The following RADIL variants were observed in gnomAD, a reference collection of about 807,000 sequenced individuals.
RADIL encodes ras-associating and dilute domain-containing protein.
Under a neutral mutation model 97.6 loss-of-function variants are expected in RADIL, and 99 were observed. That is an observed-to-expected ratio of 1.01 (90% CI 0.86 to 1.20). The LOEUF (loss-of-function observed/expected upper bound fraction) is 1.20, where lower values mean the gene tolerates loss of function less well. Ranked by LOEUF, RADIL falls within the 50% of genes most tolerant of loss-of-function variation. RADIL has a pLI of 0.00. For synonymous variants in RADIL, 803 were observed against 691.8 expected (o/e 1.16, Z -2.52); for missense variants, 1,765 against 1,498.9 (o/e 1.18, Z -2.93).
chr7:4,810,805 C>G (rs1782522492), intron 9 of RADIL, among the ~76,000 whole-genome samples: 1 of 152,210 alleles, frequency 6.6e-6, no homozygotes, highest in African/African-American at 2.4e-5. Context: ...GCCTGGCTTT[C>G]TTCCTTTCAA....
At chr7:4,832,047 G>T in intron 5 of RADIL, 94 bp downstream of exon 5, 2 of 1,365,350 alleles carry the variant, frequency 1.5e-6, no homozygotes, top group East Asian at 2.4e-5. Flanking sequence ...ACCCCAAGGC[G>T]TGGGGAGACC....
intron 11 of RADIL, among the ~76,000 whole-genome samples, chr7:4,802,837 G>A (rs1467255293): frequency 2.4e-5 from 3 of 123,934 alleles, no homozygotes; most frequent in African/African-American, 1.0e-4. Context: ...GGCACCTCGG[G>A]GAATGCTGGC....
At position 4,821,760 on chromosome 7, in the gene RADIL, G is replaced by A. The variant is rs896122958; in HGVS notation, c.1615+634C>T. 4.6e-5 allele frequency among the ~76,000 whole-genome samples: 7 copies of A among 152,118 alleles called. No individual in the cohort carries two copies. The highest frequency in any genetic ancestry group is 1.3e-4 in the Admixed American group (2 of 15,284). On this transcript the variant is annotated intron_variant, in intron 6 of 14. Coordinates refer to ENST00000399583, the MANE Select transcript of RADIL (RefSeq NM_018059.5). This position sits in a 1 kb window ranked among gnomAD's most constrained non-coding sequence, Gnocchi z 5.2. ...AATCCCAGGTACTCGGGAGGCTGAG[G>A]CACGAGAATCGCTTGAACCTGGGAG...
intron 12 of RADIL, among the ~76,000 whole-genome samples, 189 bp from the exon 13 acceptor site, chr7:4,800,499 C>T (rs1404593029): frequency 1.3e-5 from 2 of 152,070 alleles, no homozygotes; most frequent in Admixed American, 6.5e-5. Flanking sequence ...CGCCCATGGG[C>T]GACACCCCCA....
At chr7:4,858,966 GA>G (rs1783904389) in intron 2 of RADIL, 1 of 152,156 alleles carries the variant, frequency 6.6e-6, no homozygotes, top group Non-Finnish European at 1.5e-5. Context: ...ATAGCTCAAA[GA>G]AAATGTTTGA....
chr7:4,843,254 C>A (rs1411041531), intron 2 of RADIL, among the ~76,000 whole-genome samples: 2 of 151,298 alleles, frequency 1.3e-5, no homozygotes, highest in East Asian at 3.9e-4. Flanking sequence ...ACCTCGTGAT[C>A]CGCCTGCCTC....
Position 4,837,052 on chromosome 7 carries a change from G to A in RADIL, c.536-447C>T, listed in dbSNP as rs1006564392. 1.3e-5 allele frequency among the ~76,000 whole-genome samples: 2 copies of A among 152,196 alleles called. No individual in the cohort carries two copies. Among genetic ancestry groups the A allele is most frequent in the Admixed American group, 1.3e-4 (2 of 15,276 alleles). ...TTACTGTTCTGTCAAAACAGGTCTG[G>A]TGGAGACTCAAGGACTCTGCCCTCT... On this transcript the variant is annotated intron_variant, in intron 2 of 14. Transcript: ENST00000399583. This position sits in a 1 kb window ranked among gnomAD's most constrained non-coding sequence, Gnocchi z 5.6.
chr7:4,812,218 T>C (rs991690081), intron 9 of RADIL, among the ~76,000 whole-genome samples: 6 of 152,152 alleles, frequency 3.9e-5, no homozygotes, highest in African/African-American at 1.2e-4. Context: ...CATTCAGATT[T>C]TTAACTTCCT....
intron 2 of RADIL, chr7:4,860,974 TTCTGAAAA>T: frequency 6.2e-7 from 1 of 1,614,228 alleles, no homozygotes. Context: ...GCCATTCCCA[TTCTGAAAA>T]TACCAAGAAG....
intron 2 of RADIL, chr7:4,865,920 A>G: frequency 1.6e-6 from 1 of 609,346 alleles, no homozygotes; most frequent in South Asian, 1.9e-5. Flanking sequence ...GTATACAGAA[A>G]TATACTGTAG....
In RADIL at chr7:4,877,685, CCT is replaced by C. The variant is rs752360441; in HGVS notation, c.453_454del (p.Gly152PhefsTer6). The stretch of plus-strand genomic sequence containing the variant: ...CCTCAGCTCAAACCTCCGGGATAAA[CCT>C]TCTCGGGGTTTCCATAATTCCTGGA... On this transcript the variant is annotated frameshift_variant, in exon 2 of 15. Coordinates refer to ENST00000399583, the MANE Select transcript of RADIL (RefSeq NM_018059.5). LOFTEE classifies it high-confidence loss of function. 24 of 1,614,184 alleles carry C rather than the reference CCT, an allele frequency of 1.5e-5. No homozygotes were observed. The highest frequency in any genetic ancestry group is 1.9e-5 in the Non-Finnish European group (23 of 1,180,018).
In RADIL at chr7:4,803,609, G is replaced by C. The variant is rs1378830920; in HGVS notation, c.2436C>G (p.Ser812Arg). The stretch of plus-strand genomic sequence containing the variant: ...TGCCAGGGCTGCCGGGGCTGGCTCT[G>C]CTCCGCAGACCCCACAGAAAGTGGC... ...YVRHFLWGLR[S>R]RASPGSPGRP... is the part of the protein sequence containing the mutation. Residue 812 changes from serine (S) to arginine (R), a missense_variant, in exon 11 of 15, where the codon AGC (serine) becomes AGG (arginine). Ser to Arg is a moderately radical substitution (Grantham distance 110). Coordinates refer to ENST00000399583, the MANE Select transcript of RADIL (RefSeq NM_018059.5). The C allele has an allele frequency of 6.5e-7, 1 of 1,549,300 alleles. No homozygotes were observed. Among genetic ancestry groups the C allele is most frequent in the African/African-American group, 1.4e-5 (1 of 73,140 alleles).
chr7:4,855,943 G>A (rs948798845), intron 2 of RADIL, among the ~76,000 whole-genome samples: 3 of 151,844 alleles, frequency 2.0e-5, no homozygotes, highest in Non-Finnish European at 2.9e-5. Flanking sequence ...TTACAGGTGC[G>A]CATCACCATG....
chr7:4,860,372 A>C (rs964519042), intron 2 of RADIL: 1 of 1,613,934 alleles, frequency 6.2e-7, no homozygotes, highest in African/African-American at 1.3e-5. Context: ...TTTCATACCC[A>C]TCTCAAACAT....
intron 12 of RADIL, 45 bp from the exon 13 acceptor site, chr7:4,800,355 A>G (rs1474936010): frequency 4.2e-6 from 6 of 1,414,142 alleles, no homozygotes; most frequent in Admixed American, 3.2e-5. Flanking sequence ...GGCGCCAGGA[A>G]TCACGACGAG....
chr7:4,860,452 G>A, intron 2 of RADIL: 1 of 1,614,170 alleles, frequency 6.2e-7, no homozygotes, highest in South Asian at 1.1e-5. Context: ...GATCAATGCT[G>A]AGAATTTCAG....
chr7:4,812,141 A>T (rs1197171254), intron 9 of RADIL, among the ~76,000 whole-genome samples: 3 of 152,174 alleles, frequency 2.0e-5, no homozygotes, highest in African/African-American at 7.2e-5. Context: ...TTGGCCTCCC[A>T]AAGTGCTAGG....
rs376692053 is a variant in RADIL at position 4,805,719 on chromosome 7, G to A, written c.2140-3C>T. The A allele has an allele frequency of 1.9e-6, 3 of 1,604,668 alleles. No homozygotes were observed. The highest frequency in any genetic ancestry group is 1.3e-5 in the African/African-American group (1 of 74,772). Reference sequence around the variant, plus strand: ...GCCCGCAGGGCTGTCCAGCTCATCTGGGTGACAAGAAGGAGCTCATGGTCA... The same window carrying A: ...GCCCGCAGGGCTGTCCAGCTCATCTAGGTGACAAGAAGGAGCTCATGGTCA... On this transcript the variant is annotated splice_polypyrimidine_tract_variant and splice_region_variant and intron_variant, in intron 9 of 14. Coordinates refer to ENST00000399583, the MANE Select transcript of RADIL (RefSeq NM_018059.5).
chr7:4,816,216 C>T lies in RADIL; in HGVS notation c.1966+12G>A, dbSNP rs762122068. The stretch of plus-strand genomic sequence containing the variant: ...GAGCCCCCGACCCCTCAACCCTGCA[C>T]GAGGCCCTCACCCCTGTCGAGGAGC... On this transcript the variant is annotated intron_variant, in intron 8 of 14. Coordinates refer to ENST00000399583, the MANE Select transcript of RADIL (RefSeq NM_018059.5). The T allele has an allele frequency of 3.1e-6, 5 of 1,603,404 alleles. No individual in the cohort carries two copies. The highest frequency in any genetic ancestry group is 1.1e-5 in the South Asian group (1 of 90,606).
Sources: gnomAD v4.1 joint callset for allele counts (sites outside exome capture counted in the v4.1 genomes callset) on GRCh38, gnomAD v4.1.1 for gene constraint, Gnocchi (gnomAD v3.1) non-coding constraint, MANE v1.5 for transcripts, NCBI Gene and HGNC (gene_info 2026-07-23, HGNC 2026-07-21) for gene names.